Variants in ADGRB3 observed in about 807,000 individuals in gnomAD.
ADGRB3 encodes adhesion G protein-coupled receptor B3, also known as brain-specific angiogenesis inhibitor 3.
A neutral mutation model predicts 193.4 loss-of-function variants in ADGRB3; 37 were observed. The ratio of observed to expected loss-of-function variants is 0.19; its 90% CI spans 0.15 to 0.25. The LOEUF is 0.25. Ranked by LOEUF, ADGRB3 falls within the 10% of genes least tolerant of loss-of-function variation. ADGRB3 has a pLI of 1.00. For missense variants in ADGRB3, 1,637 were observed against 1,852.9 expected (o/e 0.88, Z 2.14); for synonymous variants, 690 against 644.2 (o/e 1.07, Z -1.08).
chr6:69,112,156 C>T (rs558327240), intron 17 of ADGRB3, among the ~76,000 whole-genome samples: 36 of 152,220 alleles, frequency 2.4e-4, no homozygotes, highest in African/African-American at 7.0e-4. Context: ...CAGGAGGTAG[C>T]GCTGGTCCTT....
chr6:68,863,726 G>T (rs1765218602), intron 3 of ADGRB3, among the ~76,000 whole-genome samples: 1 of 152,174 alleles, frequency 6.6e-6, no homozygotes, highest in South Asian at 2.1e-4. Context: ...GGATAGCTAA[G>T]TTTTCCAAAT....
chr6:68,648,083 G>GA (rs1215349951), intron 3 of ADGRB3, among the ~76,000 whole-genome samples: 1 of 152,106 alleles, frequency 6.6e-6, no homozygotes, highest in Non-Finnish European at 1.5e-5. Context: ...TATCCTCCAG[G>GA]AATTTTGTGC....
At chr6:68,854,490 A>G (rs1764901110) in intron 3 of ADGRB3, among the ~76,000 whole-genome samples, 1 of 152,184 alleles carries the variant, frequency 6.6e-6, no homozygotes, top group African/African-American at 2.4e-5. Context: ...CATGTAATAC[A>G]CAATAAATAG....
intron 17 of ADGRB3, among the ~76,000 whole-genome samples, chr6:69,085,028 TTAAAGGTA>T (rs1322535478): frequency 2.6e-5 from 4 of 152,104 alleles, no homozygotes; most frequent in African/African-American, 9.7e-5. Flanking sequence ...AAGTTATTTT[TTAAAGGTA>T]TCATATACTT....
chr6:69,270,300 A>C (rs1767144468), intron 20 of ADGRB3, among the ~76,000 whole-genome samples: 1 of 152,196 alleles, frequency 6.6e-6, no homozygotes, highest in African/African-American at 2.4e-5. Flanking sequence ...AGAAGAAAGG[A>C]TGTCACAGAG....
intron 17 of ADGRB3, among the ~76,000 whole-genome samples, chr6:69,151,159 C>T (rs1774667489): frequency 6.6e-6 from 1 of 152,186 alleles, no homozygotes; most frequent in African/African-American, 2.4e-5. Flanking sequence ...GGCTCCAAGC[C>T]CAGCACACCA....
At chr6:69,025,916 TAGG>T (rs1483667958) in intron 13 of ADGRB3, among the ~76,000 whole-genome samples, 3 of 152,162 alleles carry the variant, frequency 2.0e-5, no homozygotes. Flanking sequence ...CAGACCCTGT[TAGG>T]AGCAAACAAG....
At chr6:69,121,169 G>A (rs1431396490) in intron 17 of ADGRB3, among the ~76,000 whole-genome samples, 1 of 152,046 alleles carries the variant, frequency 6.6e-6, no homozygotes, top group African/African-American at 2.4e-5. Context: ...AGCAGTGTTT[G>A]TGTCCCTGGG....
chr6:69,136,623 C>T lies in ADGRB3; in HGVS notation c.2480+60585C>T, dbSNP rs1333785558. Among the ~76,000 whole-genome samples the T allele has an allele frequency of 4.5e-5, 5 of 111,506 alleles. No individual in the cohort carries two copies. The South Asian group carries it at 2.1e-3, about 46-fold the overall frequency. The allele number at this position is 111,506 out of a possible 152,430, so 73.2% of individuals were successfully genotyped here. On this transcript the variant is annotated intron_variant, in intron 17 of 31. Coordinates refer to ENST00000370598, the MANE Select transcript of ADGRB3 (RefSeq NM_001704.3). ...TCATGGTTGTTTTTCTTTGGTGATTCTCAACCCACCATTTTTTTTTCTTCT... is the reference window on the plus strand; with the variant it reads ...TCATGGTTGTTTTTCTTTGGTGATTTTCAACCCACCATTTTTTTTTCTTCT...
intron 17 of ADGRB3, among the ~76,000 whole-genome samples, chr6:69,087,691 A>G (rs572732586): frequency 6.6e-6 from 1 of 152,320 alleles, no homozygotes. Flanking sequence ...ATGAGAGTTG[A>G]AAAGTCAAAA....
At chr6:69,168,883 T>A (rs919300888) in intron 17 of ADGRB3, among the ~76,000 whole-genome samples, 2 of 152,092 alleles carry the variant, frequency 1.3e-5, no homozygotes, top group African/African-American at 4.8e-5. Context: ...ACAAACAAAA[T>A]TTTTTAAATA....
intron 3 of ADGRB3, among the ~76,000 whole-genome samples, chr6:68,864,096 A>C (rs1333511046): frequency 6.6e-6 from 1 of 152,168 alleles, no homozygotes; most frequent in Non-Finnish European, 1.5e-5. Context: ...CCATCTTATC[A>C]AAATTATTTG....
intron 3 of ADGRB3, among the ~76,000 whole-genome samples, chr6:68,910,284 TC>T (rs1766664280): frequency 6.6e-6 from 1 of 152,230 alleles, no homozygotes; most frequent in South Asian, 2.1e-4. Flanking sequence ...TTGTTTGAGT[TC>T]ATTGTAGATT....
At chr6:68,996,312 T>C (rs1234750839) in intron 11 of ADGRB3, among the ~76,000 whole-genome samples, 1 of 152,154 alleles carries the variant, frequency 6.6e-6, no homozygotes, top group Non-Finnish European at 1.5e-5. Context: ...ATGATTTCTG[T>C]GGCCTCTTCC....
At position 69,228,545 on chromosome 6, in the gene ADGRB3, C is replaced by T. The variant is rs866308651; in HGVS notation, c.2481-4745C>T. Among the ~76,000 whole-genome samples, 3 of 152,200 alleles carry T rather than the reference C, an allele frequency of 2.0e-5. No individual in the cohort carries two copies. The South Asian group carries it at 6.2e-4, about 32-fold the overall frequency. ...CTAATTTTTAGATAACAAATTAGAA[C>T]CTTGTTGTTATGGTATGAAGAAACT... On this transcript the variant is annotated intron_variant, in intron 17 of 31. Transcript: ENST00000370598.
At position 69,233,436 on chromosome 6, in the gene ADGRB3, C is replaced by T. The variant is rs752845549; in HGVS notation, c.2607+20C>T. 3.1e-6 allele frequency: 5 copies of T among 1,613,526 alleles called. No homozygotes were observed. In the South Asian group the frequency reaches 3.3e-5, roughly 11 times the overall value. ...GAAATAGTAAGTAACAAAGGGAAAA[C>T]ACGGCTTTAACGCAAAGACAGGGAT... is the stretch of plus-strand genomic sequence containing the variant. On this transcript the variant is annotated intron_variant, in intron 18 of 31. Transcript: ENST00000370598.
chr6:68,648,436 A>G (rs1014668376), intron 3 of ADGRB3, among the ~76,000 whole-genome samples: 3 of 151,378 alleles, frequency 2.0e-5, no homozygotes, highest in African/African-American at 7.3e-5. Flanking sequence ...TATTTCTACT[A>G]AAAAACAAGT....
intron 17 of ADGRB3, among the ~76,000 whole-genome samples, chr6:69,139,247 C>T (rs1330652868): frequency 6.6e-6 from 1 of 152,234 alleles, no homozygotes; most frequent in Non-Finnish European, 1.5e-5. Flanking sequence ...TTTCAATGTT[C>T]ATCTAGCCTG....
At chr6:69,225,260 C>T (rs1378112464) in intron 17 of ADGRB3, among the ~76,000 whole-genome samples, 1 of 152,162 alleles carries the variant, frequency 6.6e-6, no homozygotes, top group Non-Finnish European at 1.5e-5. Context: ...CTCTTAATGG[C>T]TCAATGGCCT....
Sources: gnomAD v4.1 joint callset for allele counts (sites outside exome capture counted in the v4.1 genomes callset) on GRCh38, gnomAD v4.1.1 for gene constraint, MANE v1.5 for transcripts, NCBI Gene and HGNC (gene_info 2026-07-23, HGNC 2026-07-21) for gene names.